The following ZNF385B variants were observed in gnomAD, a reference collection of about 807,000 sequenced individuals.
ZNF385B encodes the protein zinc finger protein 533.
A neutral mutation model predicts 39.2 loss-of-function variants in ZNF385B; 23 were observed. The ratio of observed to expected loss-of-function variants is 0.59; its 90% confidence interval spans 0.42 to 0.83. The LOEUF (loss-of-function observed/expected upper bound fraction) is 0.83, where lower values mean the gene tolerates loss of function less well. Ranked by LOEUF, ZNF385B falls within the 40% of genes least tolerant of loss-of-function variation. The pLI is 0.00. For missense variants in ZNF385B, 552 were observed against 598.9 expected, an observed-to-expected ratio of 0.92 and a Z score of 0.82; for synonymous variants, 205 against 222.6, an observed-to-expected ratio of 0.92 and a Z score of 0.70.
intron 3 of ZNF385B, among the ~76,000 whole-genome samples, chr2:179,754,465 T>C (rs1348571230): frequency 6.6e-6 from 1 of 152,182 alleles, no homozygotes; most frequent in Non-Finnish European, 1.5e-5. Flanking sequence ...TTAGGGAGGA[T>C]TCCCTCTTTT....
intron 1 of ZNF385B, among the ~76,000 whole-genome samples, chr2:179,819,911 G>T (rs916078950): frequency 2.0e-5 from 3 of 152,090 alleles, no homozygotes; most frequent in Non-Finnish European, 2.9e-5. Flanking sequence ...ATTGCACGAG[G>T]TACTTCCCCT....
chr2:179,649,897 A>G (rs1473867546), intron 3 of ZNF385B, among the ~76,000 whole-genome samples: 2 of 152,248 alleles, frequency 1.3e-5, no homozygotes, highest in African/African-American at 4.8e-5. Context: ...AAATAAATTC[A>G]GTACAAAATA....
chr2:179,444,064 G>A (rs73033802), intron 9 of ZNF385B, among the ~76,000 whole-genome samples: 4,870 of 152,312 alleles, frequency 0.032, 272 homozygotes, highest in African/African-American at 0.11. Context: ...CTATTTAACG[G>A]AATGCCAGGA....
At chr2:179,499,581 A>G (rs540797586) in intron 5 of ZNF385B, among the ~76,000 whole-genome samples, 3 of 152,148 alleles carry the variant, frequency 2.0e-5, no homozygotes, top group Non-Finnish European at 4.4e-5. Flanking sequence ...AAGCATTTGA[A>G]AAATTCAACA....
chr2:179,690,099 T>G (rs1452389566), intron 3 of ZNF385B, among the ~76,000 whole-genome samples: 1 of 152,142 alleles, frequency 6.6e-6, no homozygotes, highest in Admixed American at 6.5e-5. Context: ...ATTACTCTAT[T>G]TGAATATACC....
intron 3 of ZNF385B, among the ~76,000 whole-genome samples, chr2:179,666,589 C>G (rs1193225897): frequency 1.3e-5 from 2 of 151,968 alleles, no homozygotes; most frequent in African/African-American, 2.4e-5. Context: ...TAAAATGACT[C>G]CAAAACCATC....
chr2:179,511,783 C>A (rs1417308719), intron 5 of ZNF385B, among the ~76,000 whole-genome samples: 1 of 152,060 alleles, frequency 6.6e-6, no homozygotes, highest in Non-Finnish European at 1.5e-5. Context: ...GAGGTTGTCA[C>A]CTTATGTCTT....
At chr2:179,593,953 A>G (rs1411966881) in intron 3 of ZNF385B, among the ~76,000 whole-genome samples, 2 of 152,128 alleles carry the variant, frequency 1.3e-5, no homozygotes, top group Non-Finnish European at 2.9e-5. Context: ...CCCAATTACA[A>G]TTTTCATTTC....
chr2:179,447,817 A>T (rs893673178), intron 6 of ZNF385B, among the ~76,000 whole-genome samples: 3 of 152,166 alleles, frequency 2.0e-5, no homozygotes, highest in Non-Finnish European at 2.9e-5. Context: ...ACTAGGCAAC[A>T]GCAATGTGGT....
intron 3 of ZNF385B, among the ~76,000 whole-genome samples, chr2:179,753,418 T>A (rs998551330): frequency 1.2e-4 from 19 of 152,292 alleles, no homozygotes; most frequent in African/African-American, 4.1e-4. Flanking sequence ...CTTGGCAATG[T>A]GGGCTCTTTT....
intron 1 of ZNF385B, among the ~76,000 whole-genome samples, chr2:179,792,370 C>CTTTTTTTTTTTTTTTTTTTT (rs1346808450): frequency 4.2e-5 from 3 of 70,690 alleles, no homozygotes; most frequent in Non-Finnish European, 8.2e-5. Context: ...ATTTCATTTT[C>CTTTTTTTTTTTTTTTTTTTT]TTTTCTTTTT....
At chr2:179,756,725 G>C (rs1703049211) in intron 3 of ZNF385B, among the ~76,000 whole-genome samples, 1 of 151,870 alleles carries the variant, frequency 6.6e-6, no homozygotes, top group African/African-American at 2.4e-5. Context: ...TCATTCATTT[G>C]ATCTTCAATG....
In ZNF385B at chr2:179,735,155, G is replaced by A. The variant is rs375581002; in HGVS notation, c.298+34348C>T. On this transcript the variant is annotated intron_variant, in intron 3 of 9. Transcript: ENST00000410066. Reference sequence around the variant, plus strand: ...CATCTGACAAAGGGCTAATATCCAGGATCTACAATGAACTCAAACAAATTT... The same window carrying A: ...CATCTGACAAAGGGCTAATATCCAGAATCTACAATGAACTCAAACAAATTT... Among the ~76,000 whole-genome samples the A allele has an allele frequency of 7.2e-4, 109 of 151,978 alleles. 1 individual carries two copies. The South Asian group carries it at 7.9e-3, about 11-fold the overall frequency.
chr2:179,640,550 G>C (rs531879796), intron 3 of ZNF385B, among the ~76,000 whole-genome samples: 1 of 152,154 alleles, frequency 6.6e-6, no homozygotes, highest in East Asian at 1.9e-4. Context: ...GAGTATATGG[G>C]TATTTTCTTG....
chr2:179,632,115 C>T (rs780443555), intron 3 of ZNF385B, among the ~76,000 whole-genome samples: 1 of 152,118 alleles, frequency 6.6e-6, no homozygotes, highest in Non-Finnish European at 1.5e-5. Context: ...GACTTTAACA[C>T]CCCACTGTCA....
At chr2:179,540,544 G>A (rs901249931) in intron 4 of ZNF385B, among the ~76,000 whole-genome samples, 3 of 152,044 alleles carry the variant, frequency 2.0e-5, no homozygotes, top group Non-Finnish European at 4.4e-5. Flanking sequence ...TTAAACACTT[G>A]GGCTTATCGC....
intron 6 of ZNF385B, among the ~76,000 whole-genome samples, chr2:179,482,831 C>T (rs2054140750): frequency 6.6e-6 from 1 of 152,024 alleles, no homozygotes; most frequent in South Asian, 2.1e-4. Context: ...CTCCTTTTTA[C>T]TACAGTAAGA....
intron 1 of ZNF385B, among the ~76,000 whole-genome samples, chr2:179,817,958 AGT>A (rs1248909516): frequency 6.6e-6 from 1 of 152,072 alleles, no homozygotes; most frequent in East Asian, 1.9e-4. Flanking sequence ...CCTGAGCAAG[AGT>A]GTGTGTGTTT....
chr2:179,671,098 T>C (rs936839499), intron 3 of ZNF385B, among the ~76,000 whole-genome samples: 13 of 152,260 alleles, frequency 8.5e-5, no homozygotes, highest in African/African-American at 2.4e-4. Flanking sequence ...GAATATTAGC[T>C]ACCACTATTG....
Sources: gnomAD v4.1 joint callset for allele counts (sites outside exome capture counted in the v4.1 genomes callset) on GRCh38, gnomAD v4.1.1 for gene constraint, MANE v1.5 for transcripts, NCBI Gene and HGNC (gene_info 2026-07-23, HGNC 2026-07-21) for gene names.